Variants in ENO2 observed in about 807,000 individuals in gnomAD.
ENO2 encodes gamma-enolase.
A neutral mutation model predicts 48.7 loss-of-function variants in ENO2; 19 were observed. The observed-to-expected ratio is 0.39, with a 90% CI of 0.27 to 0.57. ENO2 has a LOEUF of 0.57. Among genes scored for constraint, ENO2 ranks in the 20% least tolerant of loss-of-function variants. The pLI is 0.58. For missense variants in ENO2, 416 were observed against 555.0 expected (o/e 0.75, Z 2.52); for synonymous variants, 198 against 213.4 (o/e 0.93, Z 0.63).
chr12:6,917,091 T>C lies in ENO2; in HGVS notation c.294T>C (p.Asp98=), dbSNP rs782615624. The C allele has an allele frequency of 1.9e-6, 3 of 1,613,844 alleles. No individual in the cohort carries two copies. The highest frequency in any genetic ancestry group is 2.5e-6 in the Non-Finnish European group (3 of 1,180,006). The change falls in exon 5 of 12, where the codon GAT becomes GAC. Residue 98 remains aspartate (D), a synonymous_variant. Coordinates refer to ENST00000229277, the MANE Select transcript of ENO2 (RefSeq NM_001975.3). ...EKLDNLMLEL[D]GTENKSKFGA... is the part of the protein sequence containing the mutation. ...TGGACAACCTGATGCTGGAGTTGGATGGGACTGAGAACAAATGTGAGCCGG... is the reference window on the plus strand; with the variant it reads ...TGGACAACCTGATGCTGGAGTTGGACGGGACTGAGAACAAATGTGAGCCGG...
chr12:6,921,997 G>A lies in ENO2; in HGVS notation c.1068-59G>A. 3 of 1,604,662 alleles carry A rather than the reference G, an allele frequency of 1.9e-6. No individual in the cohort carries two copies. The South Asian group carries it at 3.3e-5, about 18-fold the overall frequency. The stretch of plus-strand genomic sequence containing the variant: ...GTTTCCTGACATAGACCAAGGTTGG[G>A]GCTGGGAAGAGAGTGCCCAGTGTGA... On this transcript the variant is annotated intron_variant, in intron 9 of 11. Transcript: ENST00000229277.
At chr12:6,918,981 CAAAAAAA>C (rs58247795) in intron 7 of ENO2, among the ~76,000 whole-genome samples, 1 of 75,866 alleles carries the variant, frequency 1.3e-5, no homozygotes, top group Non-Finnish European at 2.8e-5. Context: ...GACTCCGTCT[CAAAAAAA>C]AAAAAAAAAA....
At position 6,916,577 on chromosome 12, in the gene ENO2, T is replaced by TC; in HGVS notation, c.181+69dup. On this transcript the variant is annotated intron_variant, in intron 3 of 11. Transcript: ENST00000229277. The surrounding 1 kb of genome is among the most constrained non-coding windows in gnomAD (Gnocchi z 4.5). Reference sequence around the variant, plus strand: ...GCCTTATGCCCCTACCTCACACCAGTCCCCAGTCCTCCTCTAGCATGGCTT... The same window carrying TC: ...GCCTTATGCCCCTACCTCACACCAGTCCCCCAGTCCTCCTCTAGCATGGCTT... The TC allele has an allele frequency of 6.2e-7, 1 of 1,610,748 alleles. No homozygotes were observed. Among genetic ancestry groups the TC allele is most frequent in the Admixed American group, 1.7e-5 (1 of 59,942 alleles).
intron 9 of ENO2, 48 bp downstream of exon 9, chr12:6,921,830 C>A: frequency 6.2e-7 from 1 of 1,603,218 alleles, no homozygotes; most frequent in Non-Finnish European, 8.5e-7. Flanking sequence ...TTCTATAAGA[C>A]TCCTTTTGCA....
In ENO2 at chr12:6,922,599, G is replaced by A; in HGVS notation, c.1236-132G>A. ...CCCAGAGATCACATGGGAAAGCCAGGGAATGCTAAGCCTTGGGGCAGGACA... is the reference window on the plus strand; with the variant it reads ...CCCAGAGATCACATGGGAAAGCCAGAGAATGCTAAGCCTTGGGGCAGGACA... On this transcript the variant is annotated intron_variant, in intron 11 of 11. Coordinates refer to ENST00000229277, the MANE Select transcript of ENO2 (RefSeq NM_001975.3). The surrounding 1 kb of genome is among the most constrained non-coding windows in gnomAD (Gnocchi z 5.3). 7.7e-7 allele frequency: 1 copy of A among 1,306,336 alleles called. No homozygotes were observed. The highest frequency in any genetic ancestry group is 1.1e-6 in the Non-Finnish European group (1 of 913,220). 80.9% of individuals were successfully genotyped at this position (1,306,336 alleles called of 1,614,324 possible).
In ENO2 at chr12:6,916,871, TG is replaced by T; in HGVS notation, c.240+143del. 2 of 1,384,116 alleles carry T rather than the reference TG, an allele frequency of 1.4e-6. No individual in the cohort carries two copies. Among genetic ancestry groups the T allele is most frequent in the Non-Finnish European group, 2.0e-6 (2 of 1,000,238 alleles). 85.7% of individuals were successfully genotyped at this position (1,384,116 alleles called of 1,614,324 possible). A position where few individuals can be genotyped will look rare whatever the true frequency, so the allele number is the denominator to read the frequency against. On this transcript the variant is annotated intron_variant, in intron 4 of 11. Coordinates refer to ENST00000229277, the MANE Select transcript of ENO2 (RefSeq NM_001975.3). This position sits in a 1 kb window ranked among gnomAD's most constrained non-coding sequence, Gnocchi z 4.5. Reference sequence around the variant, plus strand: ...GAAGGGTGGGGAACAGCTTCCTTAATGCACCCTGCTCCCATGGGAGTTCAGG... The same window carrying T: ...GAAGGGTGGGGAACAGCTTCCTTAATCACCCTGCTCCCATGGGAGTTCAGG...
intron 7 of ENO2, 96 bp downstream of exon 7, chr12:6,918,258 AG>A (rs1351597314): frequency 1.5e-6 from 2 of 1,307,498 alleles, no homozygotes; most frequent in Non-Finnish European, 2.1e-6. Flanking sequence ...GTAGGCGTGG[AG>A]GGTCCTAGGA....
rs1473169701 is a variant in ENO2 at position 6,915,773 on chromosome 12, C to T, written c.-12-48C>T. The T allele has an allele frequency of 5.8e-6, 9 of 1,544,210 alleles. No individual in the cohort carries two copies. In the African/African-American group the frequency reaches 1.2e-4, roughly 21 times the overall value. The stretch of plus-strand genomic sequence containing the variant: ...CCCGCCCATTGATCTCAGGCTCCAC[C>T]CCTCTAAGCCTCTTATCTTTCTCCT... On this transcript the variant is annotated intron_variant, in intron 1 of 11. Coordinates refer to ENST00000229277, the MANE Select transcript of ENO2 (RefSeq NM_001975.3).
intron 8 of ENO2, among the ~76,000 whole-genome samples, chr12:6,921,121 G>C (rs114311977): frequency 6.6e-6 from 1 of 152,222 alleles, no homozygotes; most frequent in Non-Finnish European, 1.5e-5. Flanking sequence ...GGAGCCAGGC[G>C]TGGTGGCTCA....
At chr12:6,915,990 G>A (rs782083162) in intron 2 of ENO2, 73 bp downstream of exon 2, 3 of 1,549,308 alleles carry the variant, frequency 1.9e-6, no homozygotes, top group African/African-American at 1.4e-5. Flanking sequence ...CCAGGGGTTC[G>A]GAGGCCTTTT....
At position 6,922,375 on chromosome 12, in the gene ENO2, G is replaced by A. The variant is rs1236592011; in HGVS notation, c.1208G>A (p.Arg403His). Residue 403 changes from arginine (R) to histidine (H), a missense_variant, in exon 11 of 12, where the codon CGT becomes CAT. Coordinates refer to ENST00000229277, the MANE Select transcript of ENO2 (RefSeq NM_001975.3). The surrounding 1 kb of genome is among the most constrained non-coding windows in gnomAD (Gnocchi z 5.3). Reference protein sequence around the residue: ...IKTGAPCRSERLAKYNQLMRI... With the variant: ...IKTGAPCRSEHLAKYNQLMRI... The stretch of plus-strand genomic sequence containing the variant: ...ACTGGTGCCCCGTGCCGTTCTGAAC[G>A]TCTGGCTAAATACAACCAGCTCATG... The A allele has an allele frequency of 1.2e-6, 2 of 1,614,162 alleles. No individual in the cohort carries two copies. The highest frequency in any genetic ancestry group is 2.2e-5 in the East Asian group (1 of 44,880).
At position 6,916,484 on chromosome 12, in the gene ENO2, T is replaced by G; in HGVS notation, c.153T>G (p.Asp51Glu). 5 of 1,614,058 alleles carry G rather than the reference T, an allele frequency of 3.1e-6. No homozygotes were observed. The highest frequency in any genetic ancestry group is 4.2e-6 in the Non-Finnish European group (5 of 1,179,988). ...TCTATGAGGCCCTGGAGCTGAGGGA[T>G]GGAGACAAACAGCGTTACTTAGGCA... The part of the protein sequence containing the change: ...TGIYEALELR[D>E]GDKQRYLGKG... Residue 51 changes from aspartate to glutamate, a missense_variant, in exon 3 of 12, where the codon GAT becomes GAG. Coordinates refer to ENST00000229277, the MANE Select transcript of ENO2 (RefSeq NM_001975.3). This position sits in a 1 kb window ranked among gnomAD's most constrained non-coding sequence, Gnocchi z 4.5.
intron 5 of ENO2, 38 bp from the exon 6 acceptor site, chr12:6,917,543 G>C (rs1196841336): frequency 6.3e-7 from 1 of 1,593,624 alleles, no homozygotes; most frequent in Non-Finnish European, 8.5e-7. Flanking sequence ...AAGGAGAAGG[G>C]GACATTGTGC....
At position 6,915,862 on chromosome 12, in the gene ENO2, G is replaced by A. The variant is rs782594480; in HGVS notation, c.30G>A (p.Glu10=). The A allele has an allele frequency of 1.2e-6, 2 of 1,614,024 alleles. No individual in the cohort carries two copies. Among genetic ancestry groups the A allele is most frequent in the Non-Finnish European group, 1.7e-6 (2 of 1,179,972 alleles). The part of the protein sequence containing the change: MSIEKIWAR[E]ILDSRGNPTV... ...CCATAGAGAAGATCTGGGCCCGGGA[G>A]ATCCTGGACTCCCGCGGGAACCCCA... The change falls in exon 2 of 12, where the codon GAG becomes GAA. Residue 10 remains glutamate (E), a synonymous_variant. Transcript: ENST00000229277.
chr12:6,918,473 C>CT (rs200965133), intron 7 of ENO2, among the ~76,000 whole-genome samples: 10,845 of 151,496 alleles, frequency 0.072, 1,073 homozygotes, highest in East Asian at 0.22. Flanking sequence ...GCCTCAGCCT[C>CT]CCGAGTAGCT....
At position 6,921,466 on chromosome 12, in the gene ENO2, G is replaced by A. The variant is rs782777658; in HGVS notation, c.866-115G>A. 4.1e-6 allele frequency: 4 copies of A among 982,136 alleles called. No individual in the cohort carries two copies. The Admixed American group carries it at 5.9e-5, about 14-fold the overall frequency. 60.8% of individuals were successfully genotyped at this position (982,136 alleles called of 1,614,324 possible). A position where few individuals can be genotyped will look rare whatever the true frequency, so the allele number is the denominator to read the frequency against. Reference sequence around the variant, plus strand: ...GATTTGTCTTAGCAAGGATGAGCAGGTGTAGTTAACCAAGGGCCTGTCCAT... The same window carrying A: ...GATTTGTCTTAGCAAGGATGAGCAGATGTAGTTAACCAAGGGCCTGTCCAT... On this transcript the variant is annotated intron_variant, in intron 8 of 11. Coordinates refer to ENST00000229277, the MANE Select transcript of ENO2 (RefSeq NM_001975.3).
intron 5 of ENO2, 95 bp downstream of exon 5, chr12:6,917,202 A>C: frequency 2.7e-6 from 4 of 1,466,280 alleles, no homozygotes; most frequent in South Asian, 1.2e-5. Flanking sequence ...TGGCTTCCTC[A>C]GGAATGACTG....
rs782049639 is a variant in ENO2, at chr12:6,917,585, G to A, written c.315G>A (p.Lys105=). Residue 105 remains lysine, a synonymous_variant, in exon 6 of 12, where the codon AAG becomes AAA. Coordinates refer to ENST00000229277, the MANE Select transcript of ENO2 (RefSeq NM_001975.3). ...CCTTCCTCTATAATCTCCTAGCCAAGTTTGGGGCCAATGCCATCCTGGGTG... is the reference window on the plus strand; with the variant it reads ...CCTTCCTCTATAATCTCCTAGCCAAATTTGGGGCCAATGCCATCCTGGGTG... ...LELDGTENKS[K]FGANAILGVS... 1.2e-6 allele frequency: 2 copies of A among 1,612,848 alleles called. No homozygotes were observed. The highest frequency in any genetic ancestry group is 1.1e-5 in the South Asian group (1 of 90,918).
chr12:6,921,930 C>A, intron 9 of ENO2, 126 bp from the exon 10 acceptor site: 9 of 1,496,498 alleles, frequency 6.0e-6, no homozygotes, highest in Non-Finnish European at 8.3e-6. Context: ...GCCCCTCCAC[C>A]CCTGATTCTC....
Sources: allele counts gnomAD v4.1 joint callset (sites outside exome capture counted in the v4.1 genomes callset), GRCh38; gene constraint gnomAD v4.1.1; non-coding constraint Gnocchi (gnomAD v3.1); transcripts MANE v1.5; gene names NCBI Gene and HGNC (gene_info 2026-07-23, HGNC 2026-07-21).